Variants in AKAP12 observed in about 807,000 individuals in gnomAD.
The protein encoded by AKAP12 is A-kinase anchoring protein 12, also known as A-kinase anchor protein 12.
AKAP12 carries 32 observed loss-of-function variants against 79.9 expected under a neutral mutation model. The observed-to-expected ratio is 0.40, with a 90% CI of 0.30 to 0.54. The LOEUF (loss-of-function observed/expected upper bound fraction) is 0.54. AKAP12 is among the 20% of genes least tolerant of loss of function. AKAP12 has a pLI of 0.48. For synonymous variants in AKAP12, 808 were observed against 857.0 expected (o/e 0.94, Z 1.00); for missense variants, 2,074 against 2,177.0 (o/e 0.95, Z 0.94).
At chr6:151,308,141 G>A (rs1351237137) in intron 3 of AKAP12, among the ~76,000 whole-genome samples, 1 of 151,852 alleles carries the variant, frequency 6.6e-6, no homozygotes, top group African/African-American at 2.4e-5. Context: ...CCCCAAAGTG[G>A]TGGGATTACA....
At chr6:151,304,138 T>G (rs1485544866) in intron 2 of AKAP12, among the ~76,000 whole-genome samples, 1 of 152,172 alleles carries the variant, frequency 6.6e-6, no homozygotes, top group Non-Finnish European at 1.5e-5. Flanking sequence ...AGGTTCCTAA[T>G]GGTTATTGTT....
intron 2 of AKAP12, among the ~76,000 whole-genome samples, chr6:151,262,813 T>G (rs758361824): frequency 7.2e-5 from 11 of 152,176 alleles, no homozygotes; most frequent in Non-Finnish European, 1.5e-4. Context: ...TGCTGAAGCC[T>G]TCCTTAGGAC....
intron 2 of AKAP12, among the ~76,000 whole-genome samples, chr6:151,242,789 C>A (rs920800204): frequency 6.6e-6 from 1 of 152,224 alleles, no homozygotes; most frequent in African/African-American, 2.4e-5. Context: ...GCAGGGAACA[C>A]GCCTGGTTGT....
chr6:151,322,157 C>T (rs1777412613), intron 3 of AKAP12, among the ~76,000 whole-genome samples: 1 of 152,034 alleles, frequency 6.6e-6, no homozygotes. Context: ...ATCTGCCCAC[C>T]TCAGCCTCCC....
intron 2 of AKAP12, among the ~76,000 whole-genome samples, chr6:151,294,181 C>T (rs950688128): frequency 1.3e-5 from 2 of 152,182 alleles, no homozygotes; most frequent in Admixed American, 6.5e-5. Context: ...ACCATGTTGG[C>T]CAGGATGGTC....
At chr6:151,293,444 T>C (rs917346334) in intron 2 of AKAP12, among the ~76,000 whole-genome samples, 3 of 152,228 alleles carry the variant, frequency 2.0e-5, no homozygotes, top group South Asian at 2.1e-4. Flanking sequence ...TTTTGCTTAT[T>C]TTGCAATTGG....
intron 2 of AKAP12, among the ~76,000 whole-genome samples, chr6:151,277,021 A>T (rs988225359): frequency 6.6e-6 from 1 of 152,216 alleles, no homozygotes; most frequent in Non-Finnish European, 1.5e-5. Flanking sequence ...CATTTAGTTA[A>T]CAAGAAAACA....
chr6:151,305,841 G>A lies in AKAP12; in HGVS notation c.257G>A (p.Gly86Glu), dbSNP rs534033209. The A allele has an allele frequency of 1.9e-5, 31 of 1,613,982 alleles. No individual in the cohort carries two copies. Among genetic ancestry groups the A allele is most frequent in the East Asian group, 1.3e-4 (6 of 44,874 alleles). ...LQEGDLNGQK[G>E]ALNGQGALNS... ...GAGGGTGACCTAAATGGCCAGAAAG[G>A]AGCCCTGAACGGTCAAGGAGCCCTA... Residue 86 changes from glycine to glutamate, a missense_variant, in exon 3 of 5, where the codon GGA becomes GAA. Gly to Glu is a moderately conservative substitution (Grantham distance 98, BLOSUM62 -2). This residue lies in a region of AKAP12 where 1,428 missense variants were observed against 1,451.0 expected (regional missense o/e 0.98). Transcript: ENST00000402676.
intron 3 of AKAP12, among the ~76,000 whole-genome samples, chr6:151,341,529 G>A (rs1777947354): frequency 6.6e-6 from 1 of 152,218 alleles, no homozygotes; most frequent in South Asian, 2.1e-4. Context: ...CGGGCGCGGG[G>A]AGGCTGCGTC....
chr6:151,343,692 G>C (rs1778007487), intron 3 of AKAP12, among the ~76,000 whole-genome samples: 1 of 152,178 alleles, frequency 6.6e-6, no homozygotes, highest in Non-Finnish European at 1.5e-5. Context: ...GCTGAGGCAG[G>C]AGAATCGCTT....
chr6:151,287,071 C>T (rs1582857080), intron 2 of AKAP12, among the ~76,000 whole-genome samples: 1 of 151,678 alleles, frequency 6.6e-6, no homozygotes, highest in African/African-American at 2.4e-5. Flanking sequence ...TCCCGAGAAG[C>T]TGGGACTACA....
At chr6:151,284,699 T>C (rs1294751601) in intron 2 of AKAP12, among the ~76,000 whole-genome samples, 1 of 152,178 alleles carries the variant, frequency 6.6e-6, no homozygotes, top group Non-Finnish European at 1.5e-5. Flanking sequence ...CTGCCATTGG[T>C]ACTTTTTGCC....
intron 3 of AKAP12, among the ~76,000 whole-genome samples, chr6:151,308,168 C>G (rs934523576): frequency 6.6e-6 from 1 of 151,868 alleles, no homozygotes; most frequent in Admixed American, 6.6e-5. Flanking sequence ...AGCCGCCACG[C>G]CCAGCTGTGG....
intron 3 of AKAP12, among the ~76,000 whole-genome samples, chr6:151,332,038 T>TTTG (rs1349133707): frequency 2.7e-4 from 39 of 142,058 alleles, no homozygotes; most frequent in Non-Finnish European, 3.5e-4. Context: ...GGTCTGTTTT[T>TTTG]TTTTTTTTTT....
chr6:151,339,408 C>T (rs1311290661), intron 3 of AKAP12, among the ~76,000 whole-genome samples: 6 of 152,136 alleles, frequency 3.9e-5, no homozygotes, highest in Non-Finnish European at 7.3e-5. Context: ...GTCATATGAC[C>T]GTTTTTAAAA....
In AKAP12 at chr6:151,271,598, A is replaced by G. The variant is rs1258236290; in HGVS notation, c.162+30874A>G. On this transcript the variant is annotated intron_variant, in intron 2 of 4. Transcript: ENST00000402676. ...CGGCCTCCCAAAGTGCTGGGATTAC[A>G]TGTGCGAGCCACTACACGCCCCCAG... Among the ~76,000 whole-genome samples, 4 of 151,914 alleles carry G rather than the reference A, an allele frequency of 2.6e-5. No homozygotes were observed. In the East Asian group the frequency reaches 5.8e-4, roughly 22 times the overall value.
At chr6:151,348,622 G>A in intron 3 of AKAP12, 89 bp from the exon 4 acceptor site, 1 of 979,840 alleles carries the variant, frequency 1.0e-6, no homozygotes, top group South Asian at 1.7e-5. Flanking sequence ...CGGGGCAAGA[G>A]AGTGAGGCCC....
chr6:151,277,982 T>C (rs62441505), intron 2 of AKAP12, among the ~76,000 whole-genome samples: 95 of 58,426 alleles, frequency 1.6e-3, no homozygotes, highest in East Asian at 5.4e-3. Flanking sequence ...GTCTGTCTGT[T>C]TATTTTTTTC....
chr6:151,307,139 G>T (rs909947836), intron 3 of AKAP12, among the ~76,000 whole-genome samples: 1 of 152,170 alleles, frequency 6.6e-6, no homozygotes, highest in South Asian at 2.1e-4. Flanking sequence ...GTGTAAACAA[G>T]GAATGTCAGC....
Sources: gnomAD v4.1 joint callset for allele counts (sites outside exome capture counted in the v4.1 genomes callset) on GRCh38, gnomAD v4.1.1 for gene constraint, gnomAD v4.1.1 regional missense constraint, MANE v1.5 for transcripts, NCBI Gene and HGNC (gene_info 2026-07-23, HGNC 2026-07-21) for gene names.